Variants in RAB27A observed in about 807,000 individuals in gnomAD.
RAB27A encodes the protein RAB27A, member RAS oncogene family, also known as ras-related protein Rab-27A.
In RAB27A, 17 loss-of-function variants were observed where a neutral mutation model predicts 20.8. The observed-to-expected ratio is 0.82, with a 90% CI of 0.56 to 1.23. The LOEUF (loss-of-function observed/expected upper bound fraction) is 1.23. RAB27A is among the 50% of genes most tolerant of loss of function. The probability of loss-of-function intolerance (pLI) is 0.00; values close to 1 mark genes in which losing one functional copy is unlikely to be tolerated. For synonymous variants in RAB27A, 85 were observed against 92.8 expected (o/e 0.92, Z 0.48); for missense variants, 277 against 266.7 (o/e 1.04, Z -0.27).
rs1021971285 is a variant in RAB27A, at chr15:55,241,919, T to C, written c.-22-6963A>G. ...TGTTTTTAAAAATACTTTTTAAGTG[T>C]TTTTTAGGAAATAAGATAGAAGAGA... On this transcript the variant is annotated intron_variant, in intron 2 of 6. Coordinates refer to ENST00000336787, the MANE Select transcript of RAB27A (RefSeq NM_183235.3). 2.6e-5 allele frequency among the ~76,000 whole-genome samples: 4 copies of C among 152,076 alleles called. No individual in the cohort carries two copies. In the South Asian group the frequency reaches 8.3e-4, roughly 32 times the overall value.
At chr15:55,229,221 C>T (rs555619470) in intron 4 of RAB27A, among the ~76,000 whole-genome samples, 1 of 152,214 alleles carries the variant, frequency 6.6e-6, no homozygotes, top group South Asian at 2.1e-4. Context: ...CTCCCCACCC[C>T]CAACCCCACC....
At chr15:55,310,629 G>A (rs139268089) in intron 2 of RAB27A, among the ~76,000 whole-genome samples, 12,108 of 152,140 alleles carry the variant, frequency 0.08, 567 homozygotes, top group East Asian at 0.15. Flanking sequence ...GCTTGCCTGA[G>A]GGCCATGACT....
intron 2 of RAB27A, among the ~76,000 whole-genome samples, chr15:55,305,159 C>T (rs1358226829): frequency 6.6e-6 from 1 of 152,192 alleles, no homozygotes; most frequent in Non-Finnish European, 1.5e-5. Flanking sequence ...CCCAGCTAGG[C>T]TTAGGGATGC....
intron 6 of RAB27A, among the ~76,000 whole-genome samples, chr15:55,217,876 T>C (rs1028311202): frequency 2.6e-5 from 4 of 151,884 alleles, no homozygotes; most frequent in Non-Finnish European, 5.9e-5. Flanking sequence ...TTGGAGTACA[T>C]GGAGACCATT....
At chr15:55,226,357 G>A (rs1188077928) in intron 5 of RAB27A, among the ~76,000 whole-genome samples, 3 of 152,160 alleles carry the variant, frequency 2.0e-5, no homozygotes, top group African/African-American at 7.2e-5. Flanking sequence ...GGCATGGAGA[G>A]ATTGAGTGAG....
chr15:55,301,918 T>A (rs2054973819), intron 2 of RAB27A, among the ~76,000 whole-genome samples: 1 of 152,052 alleles, frequency 6.6e-6, no homozygotes, highest in Admixed American at 6.5e-5. Flanking sequence ...AGCATTGGGA[T>A]TATAGACATG....
At chr15:55,310,494 G>A (rs531841241) in intron 2 of RAB27A, among the ~76,000 whole-genome samples, 30 of 152,172 alleles carry the variant, frequency 2.0e-4, no homozygotes, top group Non-Finnish European at 3.1e-4. Flanking sequence ...GGGCATGGAC[G>A]AGGGGGTGGC....
chr15:55,280,575 G>C (rs1897990514), intron 1 of RAB27A, among the ~76,000 whole-genome samples: 1 of 149,736 alleles, frequency 6.7e-6, no homozygotes, highest in Non-Finnish European at 1.5e-5. Flanking sequence ...TTGATACATA[G>C]GTATACAGGT....
chr15:55,272,348 G>A (rs999256164), intron 1 of RAB27A, among the ~76,000 whole-genome samples: 2 of 152,080 alleles, frequency 1.3e-5, no homozygotes, highest in African/African-American at 2.4e-5. Context: ...GCAGTGGGCC[G>A]AGATCGCACC....
At chr15:55,210,412 GTT>G (rs572160899) in intron 6 of RAB27A, among the ~76,000 whole-genome samples, 5 of 128,000 alleles carry the variant, frequency 3.9e-5, no homozygotes, top group Non-Finnish European at 3.3e-5. Flanking sequence ...TTTAGGTGTG[GTT>G]TTTTTTTTTT....
chr15:55,308,658 C>T (rs2055007938), intron 2 of RAB27A, among the ~76,000 whole-genome samples: 1 of 152,222 alleles, frequency 6.6e-6, no homozygotes, highest in East Asian at 1.9e-4. Flanking sequence ...ATCTTTTCTT[C>T]ATTGTCCGGA....
intron 1 of RAB27A, chr15:55,288,817 G>A (rs1291049847): frequency 6.7e-6 from 1 of 148,652 alleles, no homozygotes; most frequent in Non-Finnish European, 1.5e-5. Context: ...AGTTTTTAAG[G>A]CCGAAAAAAA....
intron 1 of RAB27A, chr15:55,317,245 AG>A (rs2055052628): frequency 6.6e-6 from 1 of 152,670 alleles, no homozygotes; most frequent in Non-Finnish European, 1.5e-5. Flanking sequence ...TTGCTAGATT[AG>A]AGTTAACATA....
chr15:55,230,453 C>A lies in RAB27A; in HGVS notation c.187G>T (p.Gly63Cys), dbSNP rs1895985830. Residue 63 changes from glycine to cysteine, a missense_variant, in exon 4 of 7, where the codon GGC becomes TGC. Transcript: ENST00000336787. ...TGCAGGTGGATTCTCTGGCCTCTGC[C>A]AGTGGCTCCATCCGGCCCACTGGCT... ...YRASGPDGAT[G>C]RGQRIHLQLW... is the part of the protein sequence containing the mutation. 1 of 1,613,948 alleles carries A rather than the reference C, an allele frequency of 6.2e-7. No individual in the cohort carries two copies. The highest frequency in any genetic ancestry group is 8.5e-7 in the Non-Finnish European group (1 of 1,179,854).
Position 55,213,372 on chromosome 15 carries a change from T to C in RAB27A, c.468-7667A>G, listed in dbSNP as rs1350860631. On this transcript the variant is annotated intron_variant, in intron 6 of 6. Coordinates refer to ENST00000336787, the MANE Select transcript of RAB27A (RefSeq NM_183235.3). The stretch of plus-strand genomic sequence containing the variant: ...TAGTAACAGCTTCTATATGAGAGCT[T>C]GGTAAAGTTTTCTTTTTTAACTTGT... Among the ~76,000 whole-genome samples the C allele has an allele frequency of 2.0e-5, 3 of 152,214 alleles. No homozygotes were observed. In the East Asian group the frequency reaches 5.8e-4, roughly 29 times the overall value.
At chr15:55,265,653 A>T (rs1897447542) in intron 2 of RAB27A, among the ~76,000 whole-genome samples, 1 of 150,928 alleles carries the variant, frequency 6.6e-6, no homozygotes, top group Non-Finnish European at 1.5e-5. Context: ...AAAAAAAAAG[A>T]CCAGGTTTCG....
At chr15:55,219,151 A>G (rs1440039847) in intron 6 of RAB27A, among the ~76,000 whole-genome samples, 2 of 152,192 alleles carry the variant, frequency 1.3e-5, no homozygotes, top group East Asian at 1.9e-4. Flanking sequence ...AGACATTTCA[A>G]CGCAACCATA....
chr15:55,232,123 A>G (rs1389473391), intron 3 of RAB27A, among the ~76,000 whole-genome samples: 1 of 152,192 alleles, frequency 6.6e-6, no homozygotes, highest in African/African-American at 2.4e-5. Context: ...TGCCTGCAGT[A>G]GTATTAAACA....
chr15:55,312,232 G>A (rs926091539), intron 2 of RAB27A, among the ~76,000 whole-genome samples: 4 of 152,180 alleles, frequency 2.6e-5, no homozygotes, highest in East Asian at 1.9e-4. Context: ...GCGGGTCTGC[G>A]ACAGCGGCAA....
Sources: allele counts gnomAD v4.1 joint callset (sites outside exome capture counted in the v4.1 genomes callset), GRCh38; gene constraint gnomAD v4.1.1; transcripts MANE v1.5; gene names NCBI Gene and HGNC (gene_info 2026-07-23, HGNC 2026-07-21).